The following FRMD4A variants were observed in gnomAD, a reference collection of about 807,000 sequenced individuals.
FRMD4A encodes FERM domain-containing protein 4A.
A neutral mutation model predicts 129.1 loss-of-function variants in FRMD4A; 29 were observed. The ratio of observed to expected loss-of-function variants is 0.22; its 90% CI spans 0.17 to 0.31. The LOEUF (loss-of-function observed/expected upper bound fraction) is 0.31, where lower values mean the gene tolerates loss of function less well. Ranked by LOEUF, FRMD4A falls within the 10% of genes least tolerant of loss-of-function variation. The pLI is 1.00. For synonymous variants in FRMD4A, 634 were observed against 571.6 expected, an observed-to-expected ratio of 1.11 and a Z score of -1.56; for missense variants, 1,272 against 1,375.8, an observed-to-expected ratio of 0.92 and a Z score of 1.19.
At chr10:13,664,875 T>A (rs973985339) in intron 18 of FRMD4A, among the ~76,000 whole-genome samples, 1 of 151,844 alleles carries the variant, frequency 6.6e-6, no homozygotes, top group Non-Finnish European at 1.5e-5. Flanking sequence ...ATGCCCAGCT[T>A]AACTATTTTT....
chr10:14,212,706 T>C (rs1015081703), intron 2 of FRMD4A, among the ~76,000 whole-genome samples: 2 of 152,226 alleles, frequency 1.3e-5, no homozygotes, highest in African/African-American at 2.4e-5. Flanking sequence ...ATTTGGAAAC[T>C]GTAAGTACCT....
In FRMD4A at chr10:14,330,766, C is replaced by T. The variant is rs1369594917; in HGVS notation, c.-251G>A. 2.5e-6 allele frequency: 1 copy of T among 398,748 alleles called. No homozygotes were observed. The highest frequency in any genetic ancestry group is 2.1e-5 in the African/African-American group (1 of 48,594). The allele number at this position is 398,748 out of a possible 1,614,324, so 24.7% of individuals were successfully genotyped here. A position where few individuals can be genotyped will look rare whatever the true frequency, so the allele number is the denominator to read the frequency against. On this transcript the variant is annotated 5_prime_UTR_variant, in exon 1 of 25. Transcript: ENST00000357447. ...GAGGAGGAAGTCACTTAGGAACTGACCCTTCCACCTTCCCCAGATCTACTT... is the reference window on the plus strand; with the variant it reads ...GAGGAGGAAGTCACTTAGGAACTGATCCTTCCACCTTCCCCAGATCTACTT...
At chr10:13,850,478 G>A (rs1036645186) in intron 3 of FRMD4A, among the ~76,000 whole-genome samples, 8 of 152,108 alleles carry the variant, frequency 5.3e-5, no homozygotes, top group South Asian at 4.2e-4. Flanking sequence ...CTGCTAGCCC[G>A]AGACTTACGC....
At chr10:14,129,365 A>G (rs959662475) in intron 2 of FRMD4A, among the ~76,000 whole-genome samples, 1 of 99,048 alleles carries the variant, frequency 1.0e-5, no homozygotes, top group Admixed American at 1.1e-4. Context: ...CAACACAATT[A>G]TGATTCATAT....
intron 2 of FRMD4A, among the ~76,000 whole-genome samples, chr10:14,171,277 C>A (rs1358674412): frequency 6.6e-6 from 1 of 152,070 alleles, no homozygotes; most frequent in African/African-American, 2.4e-5. Flanking sequence ...TGGTTGAAAT[C>A]CTGAGACCTG....
chr10:13,651,691 G>A (rs923117151), intron 24 of FRMD4A: 24 of 570,278 alleles, frequency 4.2e-5, no homozygotes, highest in Non-Finnish European at 6.9e-5. Flanking sequence ...ACATACTCTG[G>A]GGGTCTTTTC....
intron 2 of FRMD4A, among the ~76,000 whole-genome samples, chr10:13,904,848 G>A (rs1589227654): frequency 6.6e-6 from 1 of 152,020 alleles, no homozygotes; most frequent in Admixed American, 6.6e-5. Flanking sequence ...ACAAAAATTA[G>A]CCAGTGTGGT....
chr10:13,916,184 G>T (rs1018433855), intron 2 of FRMD4A, among the ~76,000 whole-genome samples: 1 of 152,150 alleles, frequency 6.6e-6, no homozygotes, highest in Non-Finnish European at 1.5e-5. Context: ...AAGTCTTTAG[G>T]TTTCATTCTC....
intron 2 of FRMD4A, among the ~76,000 whole-genome samples, chr10:13,998,899 CTT>C (rs916935774): frequency 2.0e-5 from 3 of 152,178 alleles, no homozygotes; most frequent in African/African-American, 7.2e-5. Flanking sequence ...ATCCCCTGAT[CTT>C]TTTCAGTCTT....
At chr10:14,288,973 T>G (rs1214944604) in intron 2 of FRMD4A, among the ~76,000 whole-genome samples, 1 of 152,224 alleles carries the variant, frequency 6.6e-6, no homozygotes, top group East Asian at 1.9e-4. Flanking sequence ...TTCTTAATAA[T>G]GAATAACATT....
At chr10:14,240,524 T>G (rs1218403) in intron 2 of FRMD4A, among the ~76,000 whole-genome samples, 60,744 of 151,938 alleles carry the variant, frequency 0.4, 12,831 homozygotes, top group South Asian at 0.47. Flanking sequence ...TTCAATTCAG[T>G]GGCTACGGGC....
chr10:14,175,946 C>T (rs192226281), intron 2 of FRMD4A, among the ~76,000 whole-genome samples: 1 of 152,194 alleles, frequency 6.6e-6, no homozygotes. Flanking sequence ...AATCTGTAGA[C>T]CCAACATATT....
rs200663128 is a variant in FRMD4A at position 13,693,685 on chromosome 10, C to CTT, written c.1117+211_1117+212dup. Reference sequence around the variant, plus strand: ...CTTGCACTGCGTGGTTCTACTGATGCTTTTTTTTTTTTTTTTCCCTTCCAC... The same window carrying CTT: ...CTTGCACTGCGTGGTTCTACTGATGCTTTTTTTTTTTTTTTTTTCCCTTCCAC... On this transcript the variant is annotated intron_variant, in intron 15 of 24. Coordinates refer to ENST00000357447, the MANE Select transcript of FRMD4A (RefSeq NM_018027.5). 9.5e-3 allele frequency: 5,746 copies of CTT among 602,486 alleles called. 235 individuals are homozygous for CTT. The African/African-American group carries it at 0.1, about 11-fold the overall frequency. 37.3% of individuals were successfully genotyped at this position (602,486 alleles called of 1,614,324 possible).
At chr10:13,710,141 T>C (rs2087865459) in intron 12 of FRMD4A, among the ~76,000 whole-genome samples, 1 of 152,042 alleles carries the variant, frequency 6.6e-6, no homozygotes, top group Non-Finnish European at 1.5e-5. Flanking sequence ...GCCAGCCTAA[T>C]GGGCAGGCCT....
At chr10:13,698,187 G>A (rs1325828278) in intron 14 of FRMD4A, among the ~76,000 whole-genome samples, 1 of 152,084 alleles carries the variant, frequency 6.6e-6, no homozygotes, top group African/African-American at 2.4e-5. Flanking sequence ...AGTGTCAGGG[G>A]AGCACCTGAA....
intron 2 of FRMD4A, among the ~76,000 whole-genome samples, chr10:13,975,847 G>T (rs1397178241): frequency 1.3e-5 from 2 of 152,162 alleles, no homozygotes; most frequent in African/African-American, 4.8e-5. Flanking sequence ...ACACTGTGAC[G>T]AAGCTGGAGC....
rs779471389 is a variant in FRMD4A at position 14,010,664 on chromosome 10, CTTT to C, written c.46-151755_46-151753del. On this transcript the variant is annotated intron_variant, in intron 2 of 24. Transcript: ENST00000357447. ...TCAAAATTAATTGTCGAGTTTAGGT[CTTT>C]TTTTTTTTTTTTTTTTTTTTTAAAT... Among the ~76,000 whole-genome samples the C allele has an allele frequency of 7.7e-3, 591 of 76,408 alleles. 16 individuals carry two copies. Among genetic ancestry groups the C allele is most frequent in the Middle Eastern group, 0.031 (2 of 64 alleles). The allele number at this position is 76,408 out of a possible 152,430, so 50.1% of individuals were successfully genotyped here.
At chr10:14,015,914 A>C (rs1421475065) in intron 2 of FRMD4A, among the ~76,000 whole-genome samples, 1 of 152,218 alleles carries the variant, frequency 6.6e-6, no homozygotes, top group African/African-American at 2.4e-5. Flanking sequence ...AGACTGAAGT[A>C]ACTCACTCAG....
intron 2 of FRMD4A, among the ~76,000 whole-genome samples, chr10:14,274,784 C>T (rs144997519): frequency 2.0e-5 from 3 of 152,306 alleles, no homozygotes; most frequent in Non-Finnish European, 4.4e-5. Context: ...CCCAATTCCA[C>T]GTCTTGGTAG....
Sources: gnomAD v4.1 joint callset for allele counts (sites outside exome capture counted in the v4.1 genomes callset) on GRCh38, gnomAD v4.1.1 for gene constraint, MANE v1.5 for transcripts, NCBI Gene and HGNC (gene_info 2026-07-23, HGNC 2026-07-21) for gene names.